Variants in FGFR3 observed in about 807,000 individuals in gnomAD.
FGFR3 encodes the protein FGFR-3.
Under a neutral mutation model 82.9 loss-of-function variants are expected in FGFR3, and 25 were observed. The ratio of observed to expected loss-of-function variants is 0.30; its 90% CI spans 0.22 to 0.42. The LOEUF (loss-of-function observed/expected upper bound fraction) is 0.42, where lower values mean the gene tolerates loss of function less well. Ranked by LOEUF, FGFR3 falls within the 10% of genes least tolerant of loss-of-function variation. The probability of loss-of-function intolerance (pLI) is 1.00; values close to 1 mark genes in which losing one functional copy is unlikely to be tolerated. For synonymous variants in FGFR3, 620 were observed against 516.0 expected (o/e 1.20, Z -2.73); for missense variants, 1,026 against 1,161.0 (o/e 0.88, Z 1.69).
chr4:1,795,209 G>A (rs1280813218), intron 2 of FGFR3, among the ~76,000 whole-genome samples: 1 of 152,126 alleles, frequency 6.6e-6, no homozygotes, highest in Non-Finnish European at 1.5e-5. Flanking sequence ...CGCGCTTTTA[G>A]CGTCTGCTCG....
chr4:1,808,722 C>T lies in FGFR3; in HGVS notation c.*1460C>T, dbSNP rs1219282709. ...TGGGCCCTGAGTCTGGGCAGCTGTC[C>T]CTTGCTTGCCTGCAGGGCCATGGCT... On this transcript the variant is annotated 3_prime_UTR_variant, in exon 18 of 18. Transcript: ENST00000440486. 1 of 232,146 alleles carries T rather than the reference C, an allele frequency of 4.3e-6. No individual in the cohort carries two copies. Among genetic ancestry groups the T allele is most frequent in the Non-Finnish European group, 8.5e-6 (1 of 117,304 alleles). 14.4% of individuals were successfully genotyped at this position (232,146 alleles called of 1,614,324 possible).
chr4:1,804,384 T>C lies in FGFR3; in HGVS notation c.1130T>C (p.Leu377Pro), dbSNP rs267606809. 1 of 1,612,994 alleles carries C rather than the reference T, an allele frequency of 6.2e-7. No individual in the cohort carries two copies. The highest frequency in any genetic ancestry group is 8.5e-7 in the Non-Finnish European group (1 of 1,179,686). ...DEAGSVYAGI[L>P]SYGVGFFLFI... is the part of the protein sequence containing the mutation. ...GCGGGCAGTGTGTATGCAGGCATCC[T>C]CAGCTACGGGGTGGGCTTCTTCCTG... The change falls in exon 9 of 18, where the codon CTC becomes CCC. Residue 377 changes from leucine to proline, a missense_variant. Transcript: ENST00000440486.
chr4:1,799,216 G>A (rs374158498), intron 2 of FGFR3, 38 bp from the exon 3 acceptor site: 256 of 1,611,044 alleles, frequency 1.6e-4, no homozygotes, highest in Non-Finnish European at 2.1e-4. Flanking sequence ...TGCCGGGTTT[G>A]GGGGTGCCTG....
Position 1,803,724 on chromosome 4 carries a change from A to G in FGFR3, c.963A>G (p.Leu321=), listed in dbSNP as rs201221388. The G allele has an allele frequency of 3.4e-5, 55 of 1,613,972 alleles. No homozygotes were observed. In the East Asian group the frequency reaches 7.8e-4, roughly 23 times the overall value. ...TAGANTTDKE[L]EVLSLHNVTF... is the part of the protein sequence containing the mutation. ...GCGCTAACACCACCGACAAGGAGCTAGAGGTTCTCTCCTTGCACAACGTCA... is the reference window on the plus strand; with the variant it reads ...GCGCTAACACCACCGACAAGGAGCTGGAGGTTCTCTCCTTGCACAACGTCA... Residue 321 remains leucine, a synonymous_variant, in exon 8 of 18, where the codon CTA becomes CTG. Coordinates refer to ENST00000440486, the MANE Select transcript of FGFR3 (RefSeq NM_000142.5).
rs1721410514 is a variant in FGFR3, at chr4:1,803,141, C to T, written c.931-551C>T. 2.1e-6 allele frequency: 3 copies of T among 1,405,868 alleles called. No homozygotes were observed. The East Asian group carries it at 8.7e-5, about 41-fold the overall frequency. 87.1% of individuals were successfully genotyped at this position (1,405,868 alleles called of 1,614,324 possible). A position where few individuals can be genotyped will look rare whatever the true frequency, so the allele number is the denominator to read the frequency against. On this transcript the variant is annotated intron_variant, in intron 7 of 17. Coordinates refer to ENST00000440486, the MANE Select transcript of FGFR3 (RefSeq NM_000142.5). ...CTGGCCGCGCGCCCTGCACGCCCCGCACGCCCAGCCCTGCTCGCTCCCGCC... is the reference window on the plus strand; with the variant it reads ...CTGGCCGCGCGCCCTGCACGCCCCGTACGCCCAGCCCTGCTCGCTCCCGCC...
chr4:1,799,149 G>A, intron 2 of FGFR3, 105 bp from the exon 3 acceptor site: 1 of 1,522,186 alleles, frequency 6.6e-7, no homozygotes, highest in South Asian at 1.1e-5. Context: ...CTGGATCTGG[G>A]TCAGAGCCTT....
At position 1,808,408 on chromosome 4, in the gene FGFR3, G is replaced by A; in HGVS notation, c.*1146G>A. The A allele has an allele frequency of 1.3e-5, 3 of 232,284 alleles. No homozygotes were observed. The highest frequency in any genetic ancestry group is 2.6e-5 in the Non-Finnish European group (3 of 117,292). The allele number at this position is 232,284 out of a possible 1,614,324, so 14.4% of individuals were successfully genotyped here. ...TTTTCTTTAGGAGATTTATTTTTTG[G>A]ACTTCAAAGCAAGCTGGTATTTTCA... On this transcript the variant is annotated 3_prime_UTR_variant, in exon 18 of 18. Transcript: ENST00000440486.
At position 1,801,751 on chromosome 4, in the gene FGFR3, C is replaced by T. The variant is rs778744072; in HGVS notation, c.739+8C>T. ...ACACGCTGGACGTGCTGGGTGAGGG[C>T]CCTGGGGCGGCGCGGGGGTGGGGGC... is the stretch of plus-strand genomic sequence containing the variant. On this transcript the variant is annotated splice_region_variant and intron_variant, in intron 6 of 17. Transcript: ENST00000440486. The T allele has an allele frequency of 2.6e-5, 42 of 1,599,476 alleles. No homozygotes were observed. Among genetic ancestry groups the T allele is most frequent in the Non-Finnish European group, 3.4e-5 (40 of 1,174,984 alleles).
chr4:1,807,758 A>G lies in FGFR3; in HGVS notation c.*496A>G, dbSNP rs1240177476. 1 of 574,382 alleles carries G rather than the reference A, an allele frequency of 1.7e-6. No homozygotes were observed. The highest frequency in any genetic ancestry group is 3.4e-6 in the Non-Finnish European group (1 of 294,212). 35.6% of individuals were successfully genotyped at this position (574,382 alleles called of 1,614,324 possible). ...TTAGTGGCACCGCCTCCCCACCTCC[A>G]GGCTTTCCCACTTCCCACCCTGCCC... On this transcript the variant is annotated 3_prime_UTR_variant, in exon 18 of 18. Transcript: ENST00000440486.
At chr4:1,804,763 G>A (rs1431354482) in intron 9 of FGFR3, 61 bp from the exon 10 acceptor site, 12 of 1,545,784 alleles carry the variant, frequency 7.8e-6, no homozygotes, top group Admixed American at 3.9e-5. Flanking sequence ...ACTGACCCCC[G>A]GCTGTACCTC....
At position 1,807,189 on chromosome 4, in the gene FGFR3, C is replaced by G. The variant is rs2108817783; in HGVS notation, c.2348C>G (p.Ser783Ter). The G allele has an allele frequency of 6.2e-7, 1 of 1,607,114 alleles. No homozygotes were observed. The highest frequency in any genetic ancestry group is 8.5e-7 in the Non-Finnish European group (1 of 1,177,538). Residue 783 changes from serine to a stop codon, truncating the protein, a stop_gained, in exon 18 of 18, where the codon TCA becomes TGA. Coordinates refer to ENST00000440486, the MANE Select transcript of FGFR3 (RefSeq NM_000142.5). LOFTEE classifies it low-confidence loss of function (END_TRUNC). ...CAGGACACCCCCAGCTCCAGCTCCT[C>G]AGGGGACGACTCCGTGTTTGCCCAC... ...GGQDTPSSSS[S>*]GDDSVFAHDL...
At chr4:1,798,123 G>A (rs946379097) in intron 2 of FGFR3, among the ~76,000 whole-genome samples, 1 of 152,050 alleles carries the variant, frequency 6.6e-6, no homozygotes, top group Non-Finnish European at 1.5e-5. Flanking sequence ...TGCCCATGGT[G>A]TGTCCTTGGG....
rs750161905 is a variant in FGFR3 at position 1,804,399 on chromosome 4, G to C, written c.1145G>C (p.Gly382Ala). 1.2e-6 allele frequency: 2 copies of C among 1,613,044 alleles called. No homozygotes were observed. Among genetic ancestry groups the C allele is most frequent in the Non-Finnish European group, 1.7e-6 (2 of 1,179,666 alleles). The change falls in exon 9 of 18, where the codon GGC becomes GCC. Residue 382 changes from glycine (G) to alanine (A), a missense_variant. Physicochemically the swap from Gly to Ala is moderately conservative, Grantham distance 60. This residue lies in a region of FGFR3 where 256 missense variants were observed against 217.6 expected (regional missense o/e 1.18). Coordinates refer to ENST00000440486, the MANE Select transcript of FGFR3 (RefSeq NM_000142.5). The part of the protein sequence containing the change: ...VYAGILSYGV[G>A]FFLFILVVAA... Reference sequence around the variant, plus strand: ...GCAGGCATCCTCAGCTACGGGGTGGGCTTCTTCCTGTTCATCCTGGTGGTG... The same window carrying C: ...GCAGGCATCCTCAGCTACGGGGTGGCCTTCTTCCTGTTCATCCTGGTGGTG...
At chr4:1,797,533 T>G (rs1720660195) in intron 2 of FGFR3, among the ~76,000 whole-genome samples, 1 of 152,210 alleles carries the variant, frequency 6.6e-6, no homozygotes, top group South Asian at 2.1e-4. Context: ...CTTGACCTGT[T>G]GTCGCCACTC....
chr4:1,804,397 G>A lies in FGFR3; in HGVS notation c.1143G>A (p.Val381=), dbSNP rs1372592492. 1 of 1,613,134 alleles carries A rather than the reference G, an allele frequency of 6.2e-7. No individual in the cohort carries two copies. Among genetic ancestry groups the A allele is most frequent in the Admixed American group, 1.7e-5 (1 of 59,994 alleles). Residue 381 remains valine (V), a synonymous_variant, in exon 9 of 18, where the codon GTG becomes GTA. Coordinates refer to ENST00000440486, the MANE Select transcript of FGFR3 (RefSeq NM_000142.5). ...ATGCAGGCATCCTCAGCTACGGGGT[G>A]GGCTTCTTCCTGTTCATCCTGGTGG... ...SVYAGILSYG[V]GFFLFILVVA...
In FGFR3 at chr4:1,806,534, C is replaced by T. The variant is rs1721944354; in HGVS notation, c.2031-12C>T. ...GAGTCTCAGGACAGCCTGACCTCAC[C>T]TTCCCCTGCAGCTGGTCCTTTGGGG... On this transcript the variant is annotated splice_polypyrimidine_tract_variant and intron_variant, in intron 15 of 17. Transcript: ENST00000440486. 6.2e-7 allele frequency: 1 copy of T among 1,612,992 alleles called. No individual in the cohort carries two copies. Among genetic ancestry groups the T allele is most frequent in the Non-Finnish European group, 8.5e-7 (1 of 1,179,954 alleles).
intron 4 of FGFR3, among the ~76,000 whole-genome samples, chr4:1,800,783 A>G (rs2108778284): frequency 6.6e-6 from 1 of 152,234 alleles, no homozygotes; most frequent in East Asian, 1.9e-4. Context: ...GGAAGGAGAA[A>G]AACCAGTTGG....
In FGFR3 at chr4:1,805,952, G is replaced by A. The variant is rs377493690; in HGVS notation, c.1836+12G>A. On this transcript the variant is annotated intron_variant, in intron 13 of 17. Transcript: ENST00000440486. ...TGGCCTCCCAGAAGGTGGGCAGGGCGGCAGGTGTGGGTGGAGTAGGCTGGG... is the reference window on the plus strand; with the variant it reads ...TGGCCTCCCAGAAGGTGGGCAGGGCAGCAGGTGTGGGTGGAGTAGGCTGGG... 1.6e-5 allele frequency: 26 copies of A among 1,607,572 alleles called. No individual in the cohort carries two copies. The highest frequency in any genetic ancestry group is 1.3e-4 in the East Asian group (6 of 44,770).
At chr4:1,804,220 C>G (rs1721567455) in intron 8 of FGFR3, 110 bp from the exon 9 acceptor site, 2 of 1,285,162 alleles carry the variant, frequency 1.6e-6, no homozygotes, top group South Asian at 1.4e-5. Context: ...TGCTGAGGTT[C>G]TGAGCCCCCT....
Sources: gnomAD v4.1 joint callset for allele counts (sites outside exome capture counted in the v4.1 genomes callset) on GRCh38, gnomAD v4.1.1 for gene constraint, gnomAD v4.1.1 regional missense constraint, MANE v1.5 for transcripts, NCBI Gene and HGNC (gene_info 2026-07-23, HGNC 2026-07-21) for gene names.